The following SYNJ2BP variants were observed in gnomAD, a reference collection of about 807,000 sequenced individuals.
SYNJ2BP encodes synaptojanin-2-binding protein.
SYNJ2BP carries 10 observed loss-of-function variants against 16.9 expected under a neutral mutation model. The ratio of observed to expected loss-of-function variants is 0.59; its 90% CI spans 0.36 to 1.00. The LOEUF (loss-of-function observed/expected upper bound fraction) is 1.00. Among genes scored for constraint, SYNJ2BP ranks in the 50% least tolerant of loss-of-function variants. The pLI is 0.01. For missense variants in SYNJ2BP, 162 were observed against 186.7 expected, an observed-to-expected ratio of 0.87 and a Z score of 0.77; for synonymous variants, 54 against 68.4, an observed-to-expected ratio of 0.79 and a Z score of 1.04.
At chr14:70,402,033 A>G (rs1348273727) in intron 1 of SYNJ2BP, among the ~76,000 whole-genome samples, 1 of 152,142 alleles carries the variant, frequency 6.6e-6, no homozygotes. Flanking sequence ...GGAGACTTCT[A>G]ACGACTCAGA....
chr14:70,380,493 C>A (rs1320749428), intron 2 of SYNJ2BP, among the ~76,000 whole-genome samples: 1 of 151,832 alleles, frequency 6.6e-6, no homozygotes, highest in Non-Finnish European at 1.5e-5. Context: ...GAAACCCCGT[C>A]TCTACTAAAA....
chr14:70,369,252 AC>A lies in SYNJ2BP; in HGVS notation c.*3738del, dbSNP rs774356547. ...CGTGTAGCTGGGCCTACAGGAATGC[AC>A]CACTAATTTGTTTGACTTTTAGTAA... is the stretch of plus-strand genomic sequence containing the variant. On this transcript the variant is annotated 3_prime_UTR_variant, in exon 4 of 4. Transcript: ENST00000256366. 6.6e-6 allele frequency: 1 copy of A among 152,096 alleles called. No homozygotes were observed. The highest frequency in any genetic ancestry group is 1.5e-5 in the Non-Finnish European group (1 of 68,038). The allele number at this position is 152,096 out of a possible 1,614,324, so 9.4% of individuals were successfully genotyped here.
chr14:70,406,127 T>C (rs977628098), intron 1 of SYNJ2BP, among the ~76,000 whole-genome samples: 2 of 152,180 alleles, frequency 1.3e-5, no homozygotes, highest in African/African-American at 4.8e-5. Context: ...AATCATATTG[T>C]TATAGTAGGT....
intron 1 of SYNJ2BP, among the ~76,000 whole-genome samples, chr14:70,389,081 T>G (rs1887924232): frequency 1.3e-5 from 2 of 152,132 alleles, no homozygotes; most frequent in African/African-American, 4.8e-5. Context: ...GTTCTAGGAT[T>G]ACAGGTGTGA....
rs1158278857 is a variant in SYNJ2BP at position 70,398,738 on chromosome 14, C to T, written c.65-10132G>A. On this transcript the variant is annotated intron_variant, in intron 1 of 3. Transcript: ENST00000256366. ...GGGAGGGCAGAGCTCTCATCTGCTCCATGAAGTGTGCAGCCAGCACTAGCT... is the reference window on the plus strand; with the variant it reads ...GGGAGGGCAGAGCTCTCATCTGCTCTATGAAGTGTGCAGCCAGCACTAGCT... 3.3e-5 allele frequency among the ~76,000 whole-genome samples: 5 copies of T among 152,172 alleles called. No homozygotes were observed. In the South Asian group the frequency reaches 6.2e-4, roughly 19 times the overall value.
At position 70,388,691 on chromosome 14, in the gene SYNJ2BP, C is replaced by G. The variant is rs1887914352; in HGVS notation, c.65-85G>C. On this transcript the variant is annotated intron_variant, in intron 1 of 3. Transcript: ENST00000256366. The stretch of plus-strand genomic sequence containing the variant: ...AAGATGAAGAGAAAGGGAGGGAAAG[C>G]CTACTGGGGAGGAAAGGCTGATGGA... 2.2e-6 allele frequency: 3 copies of G among 1,381,786 alleles called. No individual in the cohort carries two copies. The South Asian group carries it at 5.9e-5, about 27-fold the overall frequency. The allele number at this position is 1,381,786 out of a possible 1,614,324, so 85.6% of individuals were successfully genotyped here.
At position 70,372,887 on chromosome 14, in the gene SYNJ2BP, T is replaced by C. The variant is rs1376943333; in HGVS notation, c.*104A>G. The stretch of plus-strand genomic sequence containing the variant: ...AGGTTTGGGGTGGGTATCAGTCACT[T>C]CAAATCTGGCTATGCAGAGAGAGGG... On this transcript the variant is annotated 3_prime_UTR_variant, in exon 4 of 4. Coordinates refer to ENST00000256366, the MANE Select transcript of SYNJ2BP (RefSeq NM_018373.3). 1.3e-6 allele frequency: 2 copies of C among 1,535,088 alleles called. No individual in the cohort carries two copies. Among genetic ancestry groups the C allele is most frequent in the African/African-American group, 2.7e-5 (2 of 73,294 alleles).
In SYNJ2BP at chr14:70,367,514, A is replaced by C. The variant is rs1216744188; in HGVS notation, c.*5477T>G. 7.3e-6 allele frequency: 1 copy of C among 137,148 alleles called. No homozygotes were observed. Among genetic ancestry groups the C allele is most frequent in the Non-Finnish European group, 1.5e-5 (1 of 65,592 alleles). The allele number at this position is 137,148 out of a possible 1,614,324, so 8.5% of individuals were successfully genotyped here. A position where few individuals can be genotyped will look rare whatever the true frequency, so the allele number is the denominator to read the frequency against. On this transcript the variant is annotated 3_prime_UTR_variant, in exon 4 of 4. Transcript: ENST00000256366. ...GCGGCAGAGATTGCAGTGAGCTGAG[A>C]TCGTGCCACTGCACTCCAGCCTAGG... is the stretch of plus-strand genomic sequence containing the variant.
At chr14:70,407,795 C>T (rs927776542) in intron 1 of SYNJ2BP, among the ~76,000 whole-genome samples, 3 of 152,284 alleles carry the variant, frequency 2.0e-5, no homozygotes, top group Admixed American at 6.5e-5. Context: ...CTATCATCCC[C>T]GCCCACAGCT....
intron 2 of SYNJ2BP, 113 bp downstream of exon 2, chr14:70,388,357 T>G: frequency 7.4e-7 from 1 of 1,358,314 alleles, no homozygotes; most frequent in South Asian, 2.3e-5. Context: ...CATTCAACTC[T>G]ACAACCTGTA....
Position 70,385,281 on chromosome 14 carries a change from G to A in SYNJ2BP, c.201+3189C>T, listed in dbSNP as rs1320208528. On this transcript the variant is annotated intron_variant, in intron 2 of 3. Transcript: ENST00000256366. ...TGTATCTAATAATCTTCTTTACATT[G>A]AGGTTTATTTCCTTATTTCTGATTC... 2.0e-5 allele frequency among the ~76,000 whole-genome samples: 3 copies of A among 151,950 alleles called. No homozygotes were observed. In the East Asian group the frequency reaches 5.8e-4, roughly 29 times the overall value.
intron 1 of SYNJ2BP, among the ~76,000 whole-genome samples, chr14:70,391,357 T>C (rs1014153520): frequency 3.3e-5 from 5 of 152,286 alleles, no homozygotes; most frequent in East Asian, 1.9e-4. Flanking sequence ...GTATTAAAAA[T>C]AGTAGCTTAA....
intron 1 of SYNJ2BP, among the ~76,000 whole-genome samples, chr14:70,390,186 T>TAA (rs11453709): frequency 3.3e-5 from 5 of 151,782 alleles, no homozygotes; most frequent in South Asian, 2.1e-4. Flanking sequence ...TACCTATGCA[T>TAA]AAAAAAATAA....
chr14:70,415,097 G>A (rs1034446850), intron 1 of SYNJ2BP, among the ~76,000 whole-genome samples: 1 of 151,678 alleles, frequency 6.6e-6, no homozygotes, highest in Non-Finnish European at 1.5e-5. Flanking sequence ...CCAGCACTTT[G>A]GAAGGCCAAG....
intron 2 of SYNJ2BP, among the ~76,000 whole-genome samples, chr14:70,382,344 C>T (rs930664273): frequency 6.6e-6 from 1 of 152,150 alleles, no homozygotes; most frequent in Non-Finnish European, 1.5e-5. Flanking sequence ...TTGTGTTAAA[C>T]TTTTGCTTCA....
intron 1 of SYNJ2BP, among the ~76,000 whole-genome samples, chr14:70,394,262 C>T (rs918882441): frequency 2.0e-5 from 3 of 151,816 alleles, no homozygotes; most frequent in African/African-American, 7.3e-5. Context: ...TATAAAGACA[C>T]ATTAGAGTGG....
intron 1 of SYNJ2BP, among the ~76,000 whole-genome samples, chr14:70,413,504 T>C (rs1481356681): frequency 6.6e-6 from 1 of 152,164 alleles, no homozygotes; most frequent in Non-Finnish European, 1.5e-5. Flanking sequence ...CCGGGCATGG[T>C]GGCAAATGCC....
chr14:70,410,879 G>C (rs1888457906), intron 1 of SYNJ2BP, among the ~76,000 whole-genome samples: 2 of 152,132 alleles, frequency 1.3e-5, no homozygotes, highest in South Asian at 4.2e-4. Flanking sequence ...TGAGAGGAAA[G>C]AATCAGGAAA....
intron 1 of SYNJ2BP, among the ~76,000 whole-genome samples, chr14:70,399,682 C>T (rs1186434879): frequency 3.9e-5 from 6 of 152,324 alleles, no homozygotes; most frequent in East Asian, 3.9e-4. Flanking sequence ...TGAAGAGGAA[C>T]ATCTAACTGC....
Sources: allele counts gnomAD v4.1 joint callset (sites outside exome capture counted in the v4.1 genomes callset), GRCh38; gene constraint gnomAD v4.1.1; transcripts MANE v1.5; gene names NCBI Gene and HGNC (gene_info 2026-07-23, HGNC 2026-07-21).